EXT1: variants seen among roughly 807,000 people sequenced by gnomAD.
EXT1 encodes the protein exostosin glycosyltransferase 1.
A neutral mutation model predicts 82.5 loss-of-function variants in EXT1; 20 were observed. The observed-to-expected ratio is 0.24, with a 90% CI of 0.17 to 0.35. The LOEUF (loss-of-function observed/expected upper bound fraction) is 0.35, where lower values mean the gene tolerates loss of function less well. Among genes scored for constraint, EXT1 ranks in the 10% least tolerant of loss-of-function variants. EXT1 has a pLI of 1.00. For synonymous variants in EXT1, 348 were observed against 350.8 expected (o/e 0.99, Z 0.09); for missense variants, 757 against 936.5 (o/e 0.81, Z 2.50).
chr8:117,818,045 C>T lies in EXT1; in HGVS notation c.1632+390G>A, dbSNP rs190247601. ...AGCTCATTCAGATTAATCAGCCAAG[C>T]AAACCATCACCACCACCATCAGCTT... On this transcript the variant is annotated intron_variant, in intron 7 of 10. Coordinates refer to ENST00000378204, the MANE Select transcript of EXT1 (RefSeq NM_000127.3). Among the ~76,000 whole-genome samples the T allele has an allele frequency of 8.1e-4, 123 of 152,294 alleles. 1 individual carries two copies. Among genetic ancestry groups the T allele is most frequent in the African/African-American group, 2.8e-3 (118 of 41,570 alleles).
chr8:117,979,235 T>C (rs1156943961), intron 1 of EXT1, among the ~76,000 whole-genome samples: 2 of 151,822 alleles, frequency 1.3e-5, no homozygotes, highest in African/African-American at 4.8e-5. Context: ...GCACCTGTAG[T>C]CCCAGCTACT....
rs991704677 is a variant in EXT1, at chr8:117,889,572, A to G, written c.963-52371T>C. On this transcript the variant is annotated intron_variant, in intron 1 of 10. Coordinates refer to ENST00000378204, the MANE Select transcript of EXT1 (RefSeq NM_000127.3). ...ATAAATCTTTGATGACTATAGAAAG[A>G]TATGTGTTTTACCTCCACAATGATA... Among the ~76,000 whole-genome samples, 4 of 152,214 alleles carry G rather than the reference A, an allele frequency of 2.6e-5. No homozygotes were observed. In the East Asian group the frequency reaches 7.7e-4, roughly 29 times the overall value.
At chr8:117,883,222 T>A (rs1813091809) in intron 1 of EXT1, among the ~76,000 whole-genome samples, 2 of 152,188 alleles carry the variant, frequency 1.3e-5, no homozygotes, top group South Asian at 4.1e-4. Flanking sequence ...AGGGTTCACT[T>A]ATGTGATTTG....
chr8:117,832,597 C>T (rs1812120956), intron 3 of EXT1, among the ~76,000 whole-genome samples: 1 of 151,970 alleles, frequency 6.6e-6, no homozygotes. Flanking sequence ...AAAATTGAGT[C>T]TGCTGTGGTT....
chr8:118,048,167 G>A (rs1223570640), intron 1 of EXT1, among the ~76,000 whole-genome samples: 1 of 152,114 alleles, frequency 6.6e-6, no homozygotes, highest in Non-Finnish European at 1.5e-5. Context: ...ACAAAACACA[G>A]GAGGAAACTA....
chr8:118,095,372 T>C (rs1031965083), intron 1 of EXT1, among the ~76,000 whole-genome samples: 2 of 152,230 alleles, frequency 1.3e-5, no homozygotes, highest in African/African-American at 2.4e-5. Context: ...TTTAAAAACA[T>C]GTAACTCTAT....
intron 1 of EXT1, among the ~76,000 whole-genome samples, chr8:117,996,113 C>T (rs756465970): frequency 1.3e-5 from 2 of 152,118 alleles, no homozygotes; most frequent in African/African-American, 4.8e-5. Context: ...ATTGCTGGCT[C>T]CAAGGCTACT....
At chr8:117,819,618 G>A (rs1483119679) in intron 6 of EXT1, 58 bp downstream of exon 6, 46 of 1,438,060 alleles carry the variant, frequency 3.2e-5, no homozygotes, top group African/African-American at 4.2e-5. Context: ...TAAGGAGGGC[G>A]GAGTCTCTGG....
chr8:118,049,054 C>T (rs1294315242), intron 1 of EXT1, among the ~76,000 whole-genome samples: 1 of 152,136 alleles, frequency 6.6e-6, no homozygotes, highest in East Asian at 1.9e-4. Flanking sequence ...ATGACACTCC[C>T]ACATCCATTT....
At chr8:117,831,539 C>T (rs1242620753) in intron 3 of EXT1, 11 of 469,434 alleles carry the variant, frequency 2.3e-5, no homozygotes, top group South Asian at 3.1e-5. Context: ...ATTTCATTTA[C>T]GGAGTCTATA....
At chr8:118,072,982 T>G (rs963559948) in intron 1 of EXT1, among the ~76,000 whole-genome samples, 1 of 152,078 alleles carries the variant, frequency 6.6e-6, no homozygotes, top group African/African-American at 2.4e-5. Flanking sequence ...ATTACCAAAT[T>G]TGAAAGAAGC....
At chr8:117,908,074 C>A (rs1421637213) in intron 1 of EXT1, among the ~76,000 whole-genome samples, 1 of 152,100 alleles carries the variant, frequency 6.6e-6, no homozygotes, top group Non-Finnish European at 1.5e-5. Context: ...CTCATTTTAG[C>A]CAAACATTAA....
chr8:118,100,442 T>C (rs1036323864), intron 1 of EXT1, among the ~76,000 whole-genome samples: 2 of 152,134 alleles, frequency 1.3e-5, no homozygotes, highest in Non-Finnish European at 2.9e-5. Context: ...TACCCTCAAC[T>C]GGCGAGGACT....
chr8:117,979,371 C>CA (rs1428471881), intron 1 of EXT1, among the ~76,000 whole-genome samples: 2 of 145,662 alleles, frequency 1.4e-5, no homozygotes, highest in African/African-American at 5.4e-5. Context: ...AACAAACAAA[C>CA]AAACAAACAA....
At chr8:117,941,711 T>C (rs1203347035) in intron 1 of EXT1, among the ~76,000 whole-genome samples, 1 of 152,242 alleles carries the variant, frequency 6.6e-6, no homozygotes, top group Non-Finnish European at 1.5e-5. Context: ...TATTCCAGAA[T>C]GGATCCTTCT....
intron 1 of EXT1, among the ~76,000 whole-genome samples, chr8:117,921,010 T>A (rs1466466980): frequency 6.6e-6 from 1 of 152,226 alleles, no homozygotes; most frequent in Non-Finnish European, 1.5e-5. Flanking sequence ...TTCAAATTTG[T>A]AAAATACACC....
intron 1 of EXT1, 151 bp from the exon 2 acceptor site, chr8:117,837,352 G>A (rs1248342079): frequency 2.7e-5 from 19 of 705,942 alleles, no homozygotes; most frequent in Middle Eastern, 2.3e-4. Flanking sequence ...TTTGAGGAAG[G>A]AGGTTGGGTT....
At chr8:117,991,403 T>C (rs1421358963) in intron 1 of EXT1, among the ~76,000 whole-genome samples, 1 of 152,186 alleles carries the variant, frequency 6.6e-6, no homozygotes, top group African/African-American at 2.4e-5. Context: ...GGACCATTTC[T>C]GTACATAAGG....
At chr8:117,878,336 C>A (rs779652352) in intron 1 of EXT1, among the ~76,000 whole-genome samples, 2 of 151,978 alleles carry the variant, frequency 1.3e-5, no homozygotes, top group African/African-American at 4.8e-5. Flanking sequence ...CTATTAGAGG[C>A]AGAAAAAGGA....
Sources: allele counts gnomAD v4.1 joint callset (sites outside exome capture counted in the v4.1 genomes callset), GRCh38; gene constraint gnomAD v4.1.1; transcripts MANE v1.5; gene names NCBI Gene and HGNC (gene_info 2026-07-23, HGNC 2026-07-21).